SLIT1: variants seen among roughly 807,000 people sequenced by gnomAD.
SLIT1 encodes the protein slit homolog 1 protein.
A neutral mutation model predicts 186.1 loss-of-function variants in SLIT1; 66 were observed. The ratio of observed to expected loss-of-function variants is 0.35; its 90% CI spans 0.29 to 0.44. The LOEUF (loss-of-function observed/expected upper bound fraction) is 0.44. Among genes scored for constraint, SLIT1 ranks in the 20% least tolerant of loss-of-function variants. The pLI is 1.00. For synonymous variants in SLIT1, 761 were observed against 833.8 expected (o/e 0.91, Z 1.50); for missense variants, 1,638 against 2,037.4 (o/e 0.80, Z 3.77).
intron 4 of SLIT1, among the ~76,000 whole-genome samples, chr10:97,075,241 G>A (rs1849035444): frequency 6.6e-6 from 1 of 152,250 alleles, no homozygotes; most frequent in African/African-American, 2.4e-5. Context: ...TAAGGACTCA[G>A]GCTCTGGCCT....
At chr10:97,164,199 T>A (rs774929967) in intron 2 of SLIT1, among the ~76,000 whole-genome samples, 4 of 152,214 alleles carry the variant, frequency 2.6e-5, no homozygotes, top group Non-Finnish European at 5.9e-5. Context: ...AGTGTGTTTT[T>A]CCCCCTGCAT....
chr10:97,104,135 G>A (rs955743430), intron 4 of SLIT1, among the ~76,000 whole-genome samples: 4 of 152,028 alleles, frequency 2.6e-5, no homozygotes, highest in African/African-American at 9.7e-5. Context: ...TGCCGAGTGG[G>A]AGTTACCTTT....
chr10:97,078,758 T>C (rs550066426), intron 4 of SLIT1, among the ~76,000 whole-genome samples: 1 of 152,338 alleles, frequency 6.6e-6, no homozygotes, highest in Admixed American at 6.5e-5. Context: ...GGCAGAGGAA[T>C]GCAGGCCCCT....
At chr10:97,052,917 A>G (rs1848803830) in intron 13 of SLIT1, among the ~76,000 whole-genome samples, 1 of 152,194 alleles carries the variant, frequency 6.6e-6, no homozygotes, top group African/African-American at 2.4e-5. Context: ...ATAGATGTGC[A>G]TGAAAGTTCA....
In SLIT1 at chr10:97,001,170, G is replaced by C. The variant is rs528749604; in HGVS notation, c.4547C>G (p.Thr1516Ser). The C allele has an allele frequency of 6.2e-7, 1 of 1,613,260 alleles. No homozygotes were observed. Among genetic ancestry groups the C allele is most frequent in the Non-Finnish European group, 8.5e-7 (1 of 1,179,872 alleles). The change falls in exon 37 of 37, where the codon ACC (threonine) becomes AGC (serine). Residue 1516 changes from threonine (T) to serine (S), a missense_variant. By Grantham distance (58) the Thr-to-Ser change is moderately conservative. Around this residue, in one of 3 missense-constraint regions of SLIT1, gnomAD observed 220 missense variants for 211.3 expected, o/e 1.04. Coordinates refer to ENST00000266058, the MANE Select transcript of SLIT1 (RefSeq NM_003061.3). Reference sequence around the variant, plus strand: ...CTTTTCCACCTCCTCGGCAAAAGAGGTCCCATCGCTGCACTCAAAGGTGAA... The same window carrying C: ...CTTTTCCACCTCCTCGGCAAAAGAGCTCCCATCGCTGCACTCAAAGGTGAA... ...RKFTFECSDG[T>S]SFAEEVEKPT... is the part of the protein sequence containing the mutation.
At chr10:97,059,106 C>T (rs1209246638) in intron 11 of SLIT1, among the ~76,000 whole-genome samples, 1 of 152,220 alleles carries the variant, frequency 6.6e-6, no homozygotes, top group East Asian at 1.9e-4. Context: ...CTCAGGAGCA[C>T]AGCATGCTGG....
At chr10:97,149,830 G>GA (rs373852177) in intron 4 of SLIT1, among the ~76,000 whole-genome samples, 106 of 152,242 alleles carry the variant, frequency 7.0e-4, no homozygotes, top group African/African-American at 2.5e-3. Flanking sequence ...GGTATTCCCC[G>GA]AAAAAATAAA....
At chr10:97,148,077 C>T (rs1242136173) in intron 4 of SLIT1, among the ~76,000 whole-genome samples, 1 of 152,222 alleles carries the variant, frequency 6.6e-6, no homozygotes, top group African/African-American at 2.4e-5. Context: ...ACTTCCTGTA[C>T]TCCAAGCCTG....
intron 4 of SLIT1, among the ~76,000 whole-genome samples, chr10:97,097,935 G>A (rs1006631142): frequency 1.3e-5 from 2 of 152,150 alleles, no homozygotes; most frequent in South Asian, 2.1e-4. Flanking sequence ...ACTTCCACAC[G>A]TACATTTGCA....
intron 13 of SLIT1, among the ~76,000 whole-genome samples, 199 bp from the exon 14 acceptor site, chr10:97,049,317 G>A (rs1464435263): frequency 2.0e-5 from 3 of 152,154 alleles, no homozygotes; most frequent in African/African-American, 4.8e-5. Flanking sequence ...TCCTGCCAGC[G>A]CACTACAGGT....
At chr10:97,153,360 C>T (rs1849903291) in intron 4 of SLIT1, 1 of 152,272 alleles carries the variant, frequency 6.6e-6, no homozygotes, top group Non-Finnish European at 1.5e-5. Context: ...CACCTACAGA[C>T]TTGGTGACCA....
chr10:97,171,918 C>G (rs1397314967), intron 1 of SLIT1, among the ~76,000 whole-genome samples: 1 of 152,168 alleles, frequency 6.6e-6, no homozygotes, highest in Non-Finnish European at 1.5e-5. Flanking sequence ...TGACTTGCTA[C>G]TCCATCTGCC....
intron 36 of SLIT1, 114 bp downstream of exon 36, chr10:97,002,044 G>A (rs1848314180): frequency 3.3e-6 from 2 of 601,302 alleles, no homozygotes; most frequent in Non-Finnish European, 5.4e-6. Flanking sequence ...AGTAGCCCAT[G>A]GTACAGGGCT....
chr10:97,047,830 C>T lies in SLIT1; in HGVS notation c.1494G>A (p.Thr498=), dbSNP rs553798706. 1.5e-4 allele frequency: 248 copies of T among 1,613,876 alleles called. 6 individuals carry two copies. In the South Asian group the frequency reaches 2.5e-3, roughly 16 times the overall value. Residue 498 remains threonine (T), a synonymous_variant, in exon 16 of 37, where the codon ACG becomes ACA. Coordinates refer to ENST00000266058, the MANE Select transcript of SLIT1 (RefSeq NM_003061.3). ...ACTCGCTGTTCAGCTGGTAATCCTCCGTGCCTGCCATGAGAGGGTGGGGGC... is the reference window on the plus strand; with the variant it reads ...ACTCGCTGTTCAGCTGGTAATCCTCTGTGCCTGCCATGAGAGGGTGGGGGC... ...SAKEQYFIPG[T]EDYQLNSECN... is the part of the protein sequence containing the mutation.
At chr10:97,065,960 G>T (rs1414422028) in intron 5 of SLIT1, 55 bp downstream of exon 5, 3 of 1,312,734 alleles carry the variant, frequency 2.3e-6, no homozygotes, top group African/African-American at 1.4e-5. Flanking sequence ...TGAGGATGCT[G>T]CCAGGAGTGG....
At chr10:97,117,686 G>T (rs2636789) in intron 4 of SLIT1, among the ~76,000 whole-genome samples, 1 of 152,026 alleles carries the variant, frequency 6.6e-6, no homozygotes, top group African/African-American at 2.4e-5. Flanking sequence ...TGCAAGTGAC[G>T]CACATGCAAG....
chr10:97,140,941 GAGGCTC>G (rs779901948), intron 4 of SLIT1, among the ~76,000 whole-genome samples: 1 of 152,170 alleles, frequency 6.6e-6, no homozygotes, highest in Non-Finnish European at 1.5e-5. Flanking sequence ...TTCCAACACT[GAGGCTC>G]AGGCTAGGGG....
Position 97,002,671 on chromosome 10 carries a change from G to A in SLIT1, c.4154+33C>T. 2.0e-6 allele frequency: 3 copies of A among 1,523,576 alleles called. No individual in the cohort carries two copies. The South Asian group carries it at 3.8e-5, about 19-fold the overall frequency. 94.4% of individuals were successfully genotyped at this position (1,523,576 alleles called of 1,614,324 possible). On this transcript the variant is annotated intron_variant, in intron 35 of 36. Coordinates refer to ENST00000266058, the MANE Select transcript of SLIT1 (RefSeq NM_003061.3). Reference sequence around the variant, plus strand: ...CCCATGGGGAAGGAACAGGTAGGCAGGGGCAAGGGCTCCCCCAGTGCCCCA... The same window carrying A: ...CCCATGGGGAAGGAACAGGTAGGCAAGGGCAAGGGCTCCCCCAGTGCCCCA...
chr10:97,010,900 C>T lies in SLIT1; in HGVS notation c.3341+93G>A, dbSNP rs1848404541. On this transcript the variant is annotated intron_variant, in intron 31 of 36. Coordinates refer to ENST00000266058, the MANE Select transcript of SLIT1 (RefSeq NM_003061.3). The surrounding 1 kb of genome is among the most constrained non-coding windows in gnomAD (Gnocchi z 4.8). ...CATCCAACTTCCAGGCTCTGACCCA[C>T]ACCCCTTTCCTTCGCCATGGCTGGA... is the stretch of plus-strand genomic sequence containing the variant. 1.6e-6 allele frequency: 2 copies of T among 1,250,518 alleles called. No homozygotes were observed. Among genetic ancestry groups the T allele is most frequent in the Admixed American group, 2.1e-5 (1 of 46,632 alleles). 77.5% of individuals were successfully genotyped at this position (1,250,518 alleles called of 1,614,324 possible).
Sources: allele counts gnomAD v4.1 joint callset (sites outside exome capture counted in the v4.1 genomes callset), GRCh38; gene constraint gnomAD v4.1.1; regional missense constraint gnomAD v4.1.1; non-coding constraint Gnocchi (gnomAD v3.1); transcripts MANE v1.5; gene names NCBI Gene and HGNC (gene_info 2026-07-23, HGNC 2026-07-21).